The following NXPH1 variants were observed in gnomAD, a reference collection of about 807,000 sequenced individuals.
NXPH1 encodes neurexophilin 1.
In NXPH1, 5 loss-of-function variants were observed where a neutral mutation model predicts 23.7. The ratio of observed to expected loss-of-function variants is 0.21; its 90% CI spans 0.11 to 0.44. NXPH1 has a LOEUF of 0.44. Ranked by LOEUF, NXPH1 falls within the 20% of genes least tolerant of loss-of-function variation. The pLI, the probability that NXPH1 is intolerant of heterozygous loss-of-function variation, is 0.99. For synonymous variants in NXPH1, 144 were observed against 122.2 expected (o/e 1.18, Z -1.18); for missense variants, 324 against 321.6 (o/e 1.01, Z -0.06).
chr7:8,570,917 T>C (rs994772894), intron 2 of NXPH1, among the ~76,000 whole-genome samples: 2 of 151,718 alleles, frequency 1.3e-5, no homozygotes, highest in African/African-American at 2.4e-5. Flanking sequence ...TGAATTGCAA[T>C]TGAGGGAAGA....
At chr7:8,526,999 C>G (rs182425378) in intron 2 of NXPH1, among the ~76,000 whole-genome samples, 76 of 152,168 alleles carry the variant, frequency 5.0e-4, no homozygotes, top group African/African-American at 1.7e-3. Context: ...ATGATAATAT[C>G]TCACCAGAAA....
chr7:8,666,708 C>A (rs187836254), intron 2 of NXPH1, among the ~76,000 whole-genome samples: 1 of 151,914 alleles, frequency 6.6e-6, no homozygotes, highest in African/African-American at 2.4e-5. Flanking sequence ...TTTCCTTACT[C>A]GTTATTGGTA....
intron 2 of NXPH1, among the ~76,000 whole-genome samples, chr7:8,621,501 T>G (rs1185071838): frequency 1.3e-5 from 2 of 151,926 alleles, no homozygotes; most frequent in Non-Finnish European, 2.9e-5. Context: ...TTTTTTTTTT[T>G]TTTGAGGTGA....
chr7:8,750,185 G>T (rs981403466), intron 2 of NXPH1, among the ~76,000 whole-genome samples: 1 of 152,140 alleles, frequency 6.6e-6, no homozygotes, highest in African/African-American at 2.4e-5. Flanking sequence ...TAGTAAACAT[G>T]TTATTTTGTT....
intron 2 of NXPH1, among the ~76,000 whole-genome samples, chr7:8,591,728 A>G (rs544138165): frequency 1.3e-5 from 2 of 152,016 alleles, no homozygotes; most frequent in African/African-American, 4.8e-5. Flanking sequence ...GTGTGTTTTA[A>G]TGTGGTAGGT....
At chr7:8,445,617 C>A (rs1816390955) in intron 2 of NXPH1, among the ~76,000 whole-genome samples, 2 of 152,190 alleles carry the variant, frequency 1.3e-5, no homozygotes, top group Admixed American at 1.3e-4. Context: ...AAAATTACGA[C>A]AAAGATTTAG....
At chr7:8,732,072 G>T (rs1240877109) in intron 2 of NXPH1, among the ~76,000 whole-genome samples, 1 of 152,240 alleles carries the variant, frequency 6.6e-6, no homozygotes. Context: ...CGTCGGAAAA[G>T]CGCAATATTC....
chr7:8,489,216 T>C (rs1000525459), intron 2 of NXPH1, among the ~76,000 whole-genome samples: 2 of 152,102 alleles, frequency 1.3e-5, no homozygotes, highest in Non-Finnish European at 1.5e-5. Flanking sequence ...AGGGATGTTC[T>C]CTTCCTTCTT....
intron 2 of NXPH1, among the ~76,000 whole-genome samples, chr7:8,476,854 G>A (rs1425585850): frequency 6.6e-6 from 1 of 152,092 alleles, no homozygotes; most frequent in African/African-American, 2.4e-5. Context: ...GGCACAACCA[G>A]GTATTGTTGT....
chr7:8,646,921 G>A (rs1399564496), intron 2 of NXPH1, among the ~76,000 whole-genome samples: 1 of 151,714 alleles, frequency 6.6e-6, no homozygotes, highest in Non-Finnish European at 1.5e-5. Flanking sequence ...TAGGAACTGG[G>A]CATGGGGAGC....
chr7:8,469,297 G>C (rs1816832573), intron 2 of NXPH1, among the ~76,000 whole-genome samples: 1 of 151,810 alleles, frequency 6.6e-6, no homozygotes, highest in African/African-American at 2.4e-5. Context: ...CTTCTATAGT[G>C]ACCCATGGAC....
chr7:8,628,832 T>C (rs1820058556), intron 2 of NXPH1, among the ~76,000 whole-genome samples: 1 of 151,676 alleles, frequency 6.6e-6, no homozygotes, highest in East Asian at 1.9e-4. Context: ...GGTGGTGCAG[T>C]TGTTCTCGTC....
chr7:8,480,592 G>T lies in NXPH1; in HGVS notation c.54+44825G>T, dbSNP rs145917454. Among the ~76,000 whole-genome samples the T allele has an allele frequency of 5.9e-5, 9 of 152,292 alleles. No homozygotes were observed. In the East Asian group the frequency reaches 1.7e-3, roughly 29 times the overall value. On this transcript the variant is annotated intron_variant, in intron 2 of 2. Transcript: ENST00000405863. ...TCAGGAAACTGGGCAATAAATCTCA[G>T]TGGACTAAACCACTGCCCTAAGTGG...
intron 2 of NXPH1, among the ~76,000 whole-genome samples, chr7:8,563,707 A>G (rs981421835): frequency 4.0e-5 from 6 of 151,706 alleles, no homozygotes; most frequent in African/African-American, 1.4e-4. Flanking sequence ...CTCCTTCTCT[A>G]TAGATTGAGA....
At chr7:8,748,661 C>A (rs904325425) in intron 2 of NXPH1, among the ~76,000 whole-genome samples, 5 of 152,166 alleles carry the variant, frequency 3.3e-5, no homozygotes, top group African/African-American at 1.2e-4. Flanking sequence ...CCTTGGGGAT[C>A]ACAGCAGATG....
At chr7:8,640,502 G>A (rs1395851992) in intron 2 of NXPH1, among the ~76,000 whole-genome samples, 1 of 151,542 alleles carries the variant, frequency 6.6e-6, no homozygotes, top group Non-Finnish European at 1.5e-5. Context: ...TCTGTATCCT[G>A]TACTTCTTTA....
intron 2 of NXPH1, among the ~76,000 whole-genome samples, chr7:8,455,515 A>G (rs1018085110): frequency 1.3e-5 from 2 of 152,200 alleles, no homozygotes; most frequent in Non-Finnish European, 2.9e-5. Context: ...TTTCCTAGCC[A>G]GGACATTTCA....
rs112897032 is a variant in NXPH1 at position 8,487,478 on chromosome 7, C to T, written c.54+51711C>T. On this transcript the variant is annotated intron_variant, in intron 2 of 2. Transcript: ENST00000405863. ...GATGTGGAACTGTGAATCAATTAAA[C>T]CCCTTTCCTTTATAAATTACCTATT... Among the ~76,000 whole-genome samples the T allele has an allele frequency of 3.9e-3, 588 of 152,260 alleles. 3 individuals carry two copies. Among genetic ancestry groups the T allele is most frequent in the African/African-American group, 0.013 (550 of 41,568 alleles).
At chr7:8,508,225 G>T (rs925371548) in intron 2 of NXPH1, among the ~76,000 whole-genome samples, 1 of 151,964 alleles carries the variant, frequency 6.6e-6, no homozygotes, top group Non-Finnish European at 1.5e-5. Context: ...ATGAATACCT[G>T]CATATTTATA....
Sources: allele counts gnomAD v4.1 joint callset (sites outside exome capture counted in the v4.1 genomes callset), GRCh38; gene constraint gnomAD v4.1.1; transcripts MANE v1.5; gene names NCBI Gene and HGNC (gene_info 2026-07-23, HGNC 2026-07-21).